PPEF1: variants seen among roughly 807,000 people sequenced by gnomAD.
PPEF1 encodes protein phosphatase with EF-hand domain 1, also known as serine/threonine-protein phosphatase with EF-hands 1.
A neutral mutation model predicts 53.3 loss-of-function variants in PPEF1; 12 were observed. That is an observed-to-expected ratio of 0.23 (90% confidence interval 0.14 to 0.36). PPEF1 has a LOEUF of 0.36. Ranked by LOEUF, PPEF1 falls within the 10% of genes least tolerant of loss-of-function variation. PPEF1 has a pLI of 1.00. For synonymous variants in PPEF1, 165 were observed against 176.7 expected (o/e 0.93, Z 0.52); for missense variants, 334 against 490.4 (o/e 0.68, Z 3.01).
rs910031890 is a variant in PPEF1 at position 18,798,969 on chromosome X, G to A, written c.1066-4923G>A. On this transcript the variant is annotated intron_variant, in intron 10 of 15. Transcript: ENST00000470157. ...TGACATGGTCTAGGCCAGGCGTGGC[G>A]GCTCACGCCTGTGATCCCAGCACTT... Among the ~76,000 whole-genome samples the A allele has an allele frequency of 5.4e-5, 6 of 111,375 alleles. No individual in the cohort carries two copies. In the East Asian group the frequency reaches 1.2e-3, roughly 22 times the overall value.
intron 10 of PPEF1, among the ~76,000 whole-genome samples, chrX:18,790,042 A>T (rs1450336687): frequency 8.9e-6 from 1 of 112,271 alleles, no homozygotes; most frequent in Non-Finnish European, 1.9e-5. Flanking sequence ...AAGTGGCTGC[A>T]CCATTTTACA....
At chrX:18,739,323 T>C (rs2045083350) in intron 3 of PPEF1, among the ~76,000 whole-genome samples, 2 of 112,643 alleles carry the variant, frequency 1.8e-5, no homozygotes, top group South Asian at 3.6e-4. Flanking sequence ...GGTGTGGATG[T>C]CCTTTCTGTT....
intron 12 of PPEF1, among the ~76,000 whole-genome samples, chrX:18,817,562 G>A (rs1426770871): frequency 9.0e-6 from 1 of 110,750 alleles, no homozygotes; most frequent in Non-Finnish European, 1.9e-5. Context: ...GGATGGTTTC[G>A]ATCTCTTGAC....
chrX:18,765,357 T>G (rs2045744657), intron 6 of PPEF1, among the ~76,000 whole-genome samples: 1 of 111,809 alleles, frequency 8.9e-6, no homozygotes, highest in South Asian at 3.8e-4. Context: ...GTTTCCACTT[T>G]AAGAAACTGA....
At chrX:18,785,067 G>A (rs1360464838) in intron 9 of PPEF1, among the ~76,000 whole-genome samples, 1 of 111,796 alleles carries the variant, frequency 8.9e-6, no homozygotes, top group African/African-American at 3.3e-5. Flanking sequence ...GGGGTCTAGA[G>A]CTGGAATTTA....
intron 3 of PPEF1, 88 bp from the exon 4 acceptor site, chrX:18,749,704 A>C: frequency 3.0e-6 from 2 of 664,316 alleles, no homozygotes; most frequent in Non-Finnish European, 2.3e-6. Flanking sequence ...TGGGCTAGGT[A>C]TTCAAGAAGA....
intron 4 of PPEF1, among the ~76,000 whole-genome samples, chrX:18,692,242 G>A (rs925492815): frequency 8.9e-6 from 1 of 111,778 alleles, no homozygotes; most frequent in Non-Finnish European, 1.9e-5. Flanking sequence ...CTGAACTCAC[G>A]ATTTTTCTCC....
intron 1 of PPEF1, among the ~76,000 whole-genome samples, chrX:18,714,305 T>C (rs1393699649): frequency 1.1e-5 from 1 of 89,870 alleles, no homozygotes; most frequent in Non-Finnish European, 2.1e-5. Flanking sequence ...GGAATCTCAC[T>C]CTGTCGCCTG....
At chrX:18,740,151 C>T (rs1003752881) in intron 3 of PPEF1, among the ~76,000 whole-genome samples, 1 of 112,138 alleles carries the variant, frequency 8.9e-6, no homozygotes, top group East Asian at 2.8e-4. Context: ...CCAATAAGCC[C>T]GAGTGAGATG....
At chrX:18,822,039 C>T (rs1477842631) in intron 13 of PPEF1, among the ~76,000 whole-genome samples, 1 of 111,123 alleles carries the variant, frequency 9.0e-6, no homozygotes, top group Admixed American at 9.7e-5. Flanking sequence ...ATGGAGCCAC[C>T]CACTGAGGTG....
chrX:18,813,162 C>T (rs1456249082), intron 12 of PPEF1, among the ~76,000 whole-genome samples: 2 of 110,482 alleles, frequency 1.8e-5, no homozygotes, highest in Non-Finnish European at 3.8e-5. Context: ...GGGTGGATCA[C>T]GAGGTCAGGA....
At chrX:18,766,268 C>T (rs5909083) in intron 6 of PPEF1, among the ~76,000 whole-genome samples, 42,459 of 108,640 alleles carry the variant, frequency 0.39, 7,179 homozygotes, top group Non-Finnish European at 0.54. Context: ...GAGGAAGCCC[C>T]GACCATCTGA....
intron 12 of PPEF1, among the ~76,000 whole-genome samples, chrX:18,806,750 C>G (rs773898236): frequency 1.8e-5 from 2 of 112,063 alleles, no homozygotes; most frequent in Non-Finnish European, 3.8e-5. Context: ...ATTCATACAT[C>G]TTTTTAGATG....
At chrX:18,749,734 T>C in intron 3 of PPEF1, 58 bp from the exon 4 acceptor site, 2 of 561,821 alleles carry the variant, frequency 3.6e-6, no homozygotes, top group South Asian at 3.0e-5. Flanking sequence ...AATTTAAGTA[T>C]TGAAATGTTG....
At chrX:18,764,818 A>G (rs978807751) in intron 6 of PPEF1, among the ~76,000 whole-genome samples, 1 of 111,981 alleles carries the variant, frequency 8.9e-6, no homozygotes, top group African/African-American at 3.2e-5. Context: ...TAGTCACTAA[A>G]TTCCAAGGCA....
At chrX:18,723,529 A>G (rs759465430) in intron 1 of PPEF1, among the ~76,000 whole-genome samples, 3 of 111,959 alleles carry the variant, frequency 2.7e-5, no homozygotes, top group Admixed American at 9.5e-5. Flanking sequence ...GAAGGTGTTC[A>G]TTCATTCATT....
At chrX:18,727,807 A>T (rs900098691) in intron 1 of PPEF1, among the ~76,000 whole-genome samples, 10 of 111,495 alleles carry the variant, frequency 9.0e-5, no homozygotes, top group Admixed American at 1.9e-4. Flanking sequence ...AAACTCAGGG[A>T]AACACTTCCT....
intron 13 of PPEF1, among the ~76,000 whole-genome samples, chrX:18,822,485 G>A (rs1390957924): frequency 9.1e-6 from 1 of 110,222 alleles, no homozygotes; most frequent in African/African-American, 3.3e-5. Context: ...TACTGTGGGA[G>A]AAACCTAATG....
At chrX:18,741,189 G>A (rs1428506728) in intron 3 of PPEF1, among the ~76,000 whole-genome samples, 2 of 111,714 alleles carry the variant, frequency 1.8e-5, no homozygotes, top group African/African-American at 6.5e-5. Flanking sequence ...ACTGCAATTC[G>A]AAGACAGTTG....
Sources: gnomAD v4.1 joint callset for allele counts (sites outside exome capture counted in the v4.1 genomes callset) on GRCh38, gnomAD v4.1.1 for gene constraint, MANE v1.5 for transcripts, NCBI Gene and HGNC (gene_info 2026-07-23, HGNC 2026-07-21) for gene names.